The following ADGRL2 variants were observed in gnomAD, a reference collection of about 807,000 sequenced individuals.
ADGRL2 encodes adhesion G protein-coupled receptor L2.
A neutral mutation model predicts 157.4 loss-of-function variants in ADGRL2; 44 were observed. The observed-to-expected ratio is 0.28, with a 90% CI of 0.22 to 0.36. The LOEUF (loss-of-function observed/expected upper bound fraction) is 0.36. ADGRL2 is among the 10% of genes least tolerant of loss of function. The probability of loss-of-function intolerance (pLI) is 1.00; values close to 1 mark genes in which losing one functional copy is unlikely to be tolerated. For synonymous variants in ADGRL2, 585 were observed against 624.7 expected (o/e 0.94, Z 0.95); for missense variants, 1,510 against 1,768.9 (o/e 0.85, Z 2.63).
intron 19 of ADGRL2, 120 bp from the exon 20 acceptor site, chr1:81,984,463 C>T: frequency 9.3e-7 from 1 of 1,071,760 alleles, no homozygotes; most frequent in Non-Finnish European, 1.3e-6. Flanking sequence ...TTTATTTTCT[C>T]CACGGATAAG....
intron 6 of ADGRL2, among the ~76,000 whole-genome samples, chr1:81,946,487 T>G (rs1278295721): frequency 2.0e-5 from 3 of 152,186 alleles, no homozygotes; most frequent in Non-Finnish European, 4.4e-5. Context: ...CCAGTCCTGT[T>G]TTAACTCTTT....
intron 2 of ADGRL2, among the ~76,000 whole-genome samples, chr1:81,537,003 A>G (rs575972870): frequency 1.7e-4 from 26 of 152,342 alleles, no homozygotes; most frequent in Admixed American, 1.5e-3. Context: ...ATTATCCAAG[A>G]GAATATTGCT....
intron 2 of ADGRL2, among the ~76,000 whole-genome samples, chr1:81,570,738 A>G (rs186645095): frequency 6.6e-6 from 1 of 152,262 alleles, no homozygotes; most frequent in East Asian, 1.9e-4. Context: ...CTTACCTCAT[A>G]TTCAAATATA....
chr1:81,871,959 G>T (rs1422323944), intron 2 of ADGRL2, among the ~76,000 whole-genome samples: 4 of 152,034 alleles, frequency 2.6e-5, no homozygotes, highest in Admixed American at 6.6e-5. Context: ...GTCAATTTTG[G>T]CTTTTTTTGC....
chr1:81,324,340 C>CAA (rs35428384), intron 1 of ADGRL2, among the ~76,000 whole-genome samples: 3 of 147,456 alleles, frequency 2.0e-5, no homozygotes, highest in African/African-American at 7.4e-5. Context: ...CCTGTCTCTA[C>CAA]AAAAAAAAAA....
intron 2 of ADGRL2, among the ~76,000 whole-genome samples, chr1:81,877,549 A>G (rs709712): frequency 0.13 from 19,304 of 152,154 alleles, 1,338 homozygotes; most frequent in Admixed American, 0.21. Flanking sequence ...TTCCAAGAAC[A>G]ACACACATTC....
At chr1:81,744,154 T>C (rs2085166477) in intron 1 of ADGRL2, among the ~76,000 whole-genome samples, 1 of 152,118 alleles carries the variant, frequency 6.6e-6, no homozygotes, top group Admixed American at 6.6e-5. Context: ...TGTTTAAGTA[T>C]TCTATGAGCA....
chr1:81,854,722 C>T (rs982876499), intron 2 of ADGRL2, among the ~76,000 whole-genome samples: 3 of 152,120 alleles, frequency 2.0e-5, no homozygotes, highest in Non-Finnish European at 4.4e-5. Flanking sequence ...GTGGCATACT[C>T]AGCTGAAACT....
chr1:81,370,143 A>C (rs904844798), intron 1 of ADGRL2, among the ~76,000 whole-genome samples: 1 of 152,158 alleles, frequency 6.6e-6, no homozygotes, highest in Non-Finnish European at 1.5e-5. Context: ...TGCCAGAAAA[A>C]ACAAAAAAAA....
intron 1 of ADGRL2, among the ~76,000 whole-genome samples, chr1:81,354,780 A>G (rs766454538): frequency 1.3e-5 from 2 of 152,200 alleles, no homozygotes; most frequent in Non-Finnish European, 2.9e-5. Context: ...ACAGAAATAT[A>G]TGCCTGTATT....
chr1:81,508,233 G>C (rs986652566), intron 2 of ADGRL2, among the ~76,000 whole-genome samples: 1 of 152,172 alleles, frequency 6.6e-6, no homozygotes, highest in Non-Finnish European at 1.5e-5. Flanking sequence ...AAACTTAATT[G>C]TTTTTGTCTG....
At chr1:81,723,986 C>T (rs1438782660) in intron 1 of ADGRL2, among the ~76,000 whole-genome samples, 6 of 152,010 alleles carry the variant, frequency 3.9e-5, no homozygotes, top group African/African-American at 9.7e-5. Context: ...TCAAAAAATG[C>T]GCAACTCCGT....
chr1:81,977,123 A>G (rs770565796), intron 17 of ADGRL2, among the ~76,000 whole-genome samples: 30 of 151,840 alleles, frequency 2.0e-4, no homozygotes, highest in Admixed American at 1.4e-3. Context: ...TATAGTATCT[A>G]AGTAATCTTT....
Position 81,950,890 on chromosome 1 carries a change from T to TA in ADGRL2, c.1505-127dup, listed in dbSNP as rs1350605618. 4.6e-6 allele frequency: 3 copies of TA among 654,476 alleles called. No homozygotes were observed. In the African/African-American group the frequency reaches 5.4e-5, roughly 12 times the overall value. 40.5% of individuals were successfully genotyped at this position (654,476 alleles called of 1,614,324 possible). ...GCATTATACCCTACTTTTTGTCACT[T>TA]ATTGTCAAATACTTGCATTAGAGTT... is the stretch of plus-strand genomic sequence containing the variant. On this transcript the variant is annotated intron_variant, in intron 7 of 23. Transcript: ENST00000686636.
intron 2 of ADGRL2, among the ~76,000 whole-genome samples, chr1:81,567,531 G>A (rs1403150548): frequency 6.6e-6 from 1 of 152,020 alleles, no homozygotes; most frequent in African/African-American, 2.4e-5. Flanking sequence ...CTCTTCAAAA[G>A]TTAATGAACA....
intron 11 of ADGRL2, among the ~76,000 whole-genome samples, chr1:81,965,215 G>A (rs1173932474): frequency 6.6e-6 from 1 of 152,166 alleles, no homozygotes; most frequent in East Asian, 1.9e-4. Flanking sequence ...TAAAGGTCCA[G>A]ATAGTATATA....
intron 1 of ADGRL2, among the ~76,000 whole-genome samples, chr1:81,371,206 A>G (rs2076154979): frequency 6.6e-6 from 1 of 152,146 alleles, no homozygotes. Context: ...CACCCTTCTT[A>G]TGCCTGTTTG....
intron 1 of ADGRL2, among the ~76,000 whole-genome samples, chr1:81,827,401 C>G (rs375729178): frequency 6.6e-6 from 1 of 152,254 alleles, no homozygotes; most frequent in East Asian, 1.9e-4. Context: ...AACCTCATCA[C>G]TTTTCATTCT....
chr1:81,363,059 C>A (rs1177118861), intron 1 of ADGRL2, among the ~76,000 whole-genome samples: 4 of 151,996 alleles, frequency 2.6e-5, no homozygotes, highest in Admixed American at 6.6e-5. Flanking sequence ...TGTATGTATA[C>A]ACTTACTATC....
Sources: allele counts gnomAD v4.1 joint callset (sites outside exome capture counted in the v4.1 genomes callset), GRCh38; gene constraint gnomAD v4.1.1; transcripts MANE v1.5; gene names NCBI Gene and HGNC (gene_info 2026-07-23, HGNC 2026-07-21).